The following KIAA0586 variants were observed in gnomAD, a reference collection of about 807,000 sequenced individuals.
KIAA0586 encodes KIAA0586.
KIAA0586 carries 144 observed loss-of-function variants against 169.8 expected under a neutral mutation model. The ratio of observed to expected loss-of-function variants is 0.85; its 90% CI spans 0.74 to 0.97. The LOEUF is 0.97. KIAA0586 is among the 50% of genes least tolerant of loss of function. KIAA0586 has a pLI of 0.00. For synonymous variants in KIAA0586, 625 were observed against 612.4 expected, an observed-to-expected ratio of 1.02 and a Z score of -0.30; for missense variants, 1,854 against 1,823.0, an observed-to-expected ratio of 1.02 and a Z score of -0.31.
In KIAA0586 at chr14:58,486,988, CTTGTTTTATTTA is replaced by C; in HGVS notation, c.3145-16_3145-5del. 1 of 1,572,776 alleles carries C rather than the reference CTTGTTTTATTTA, an allele frequency of 6.4e-7. No homozygotes were observed. Among genetic ancestry groups the C allele is most frequent in the Non-Finnish European group, 8.6e-7 (1 of 1,157,424 alleles). On this transcript the variant is annotated splice_region_variant and splice_polypyrimidine_tract_variant and intron_variant, in intron 21 of 30. Transcript: ENST00000652326. The stretch of plus-strand genomic sequence containing the variant: ...TTGGGTGATTATAAACACAGTTTAT[CTTGTTTTATTTA>C]TTTTAGGCAAGAGTGTGCACCCCAC...
chr14:58,467,037 T>C (rs1365844598), intron 15 of KIAA0586, among the ~76,000 whole-genome samples: 1 of 152,228 alleles, frequency 6.6e-6, no homozygotes, highest in Non-Finnish European at 1.5e-5. Flanking sequence ...TTTGTTTTGA[T>C]TAACAATTTA....
chr14:58,545,979 A>G (rs1276821172), intron 30 of KIAA0586, among the ~76,000 whole-genome samples: 1 of 152,144 alleles, frequency 6.6e-6, no homozygotes, highest in Non-Finnish European at 1.5e-5. Context: ...GGCTGCAGTG[A>G]GCCATGATCA....
At chr14:58,541,637 G>A (rs2046640760) in intron 30 of KIAA0586, among the ~76,000 whole-genome samples, 1 of 152,192 alleles carries the variant, frequency 6.6e-6, no homozygotes, top group African/African-American at 2.4e-5. Flanking sequence ...ATAAATTATA[G>A]TTTTTCTTTT....
rs2036955491 is a variant in KIAA0586, at chr14:58,427,804, A to G, written c.-461A>G. On this transcript the variant is annotated 5_prime_UTR_variant, in exon 1 of 31. Transcript: ENST00000652326. Reference sequence around the variant, plus strand: ...GTGAATTTATGTTTCCGACGATTGCATCTGGAGGGGTGTGTAAGACTCTGT... The same window carrying G: ...GTGAATTTATGTTTCCGACGATTGCGTCTGGAGGGGTGTGTAAGACTCTGT... The G allele has an allele frequency of 6.6e-7, 1 of 1,504,314 alleles. No individual in the cohort carries two copies. Among genetic ancestry groups the G allele is most frequent in the African/African-American group, 1.4e-5 (1 of 72,368 alleles). 93.2% of individuals were successfully genotyped at this position (1,504,314 alleles called of 1,614,324 possible).
chr14:58,528,521 A>G (rs914676106), intron 29 of KIAA0586, among the ~76,000 whole-genome samples: 1 of 152,246 alleles, frequency 6.6e-6, no homozygotes. Flanking sequence ...ACCACAGTGC[A>G]ATCAAACTAG....
Position 58,428,427 on chromosome 14 carries a change from G to A in KIAA0586, c.163G>A (p.Val55Ile), listed in dbSNP as rs757423257. The stretch of plus-strand genomic sequence containing the variant: ...ATTGTCTGCAAATAAACGTCTTCCT[G>A]TTGGAACGGGGACTAGTTTGAATGG... ...PALSANKRLP[V>I]GTGTSLNGTS... The change falls in exon 1 of 31, where the codon GTT (valine) becomes ATT (isoleucine). Residue 55 changes from valine to isoleucine, a missense_variant. By Grantham distance (29) the Val-to-Ile change is conservative. Transcript: ENST00000652326. The A allele has an allele frequency of 6.2e-7, 1 of 1,613,950 alleles. No individual in the cohort carries two copies. Among genetic ancestry groups the A allele is most frequent in the South Asian group, 1.1e-5 (1 of 91,086 alleles).
intron 21 of KIAA0586, 129 bp from the exon 22 acceptor site, chr14:58,486,875 TTCA>T: frequency 1.7e-6 from 1 of 592,374 alleles, no homozygotes; most frequent in Admixed American, 3.7e-5. Context: ...CAGGTAGAGG[TTCA>T]AGAGGTAGGG....
intron 21 of KIAA0586, among the ~76,000 whole-genome samples, chr14:58,485,349 T>C (rs944184592): frequency 6.6e-6 from 1 of 152,044 alleles, no homozygotes; most frequent in Non-Finnish European, 1.5e-5. Flanking sequence ...AAAAAGTTAT[T>C]GAAATTGCAT....
At chr14:58,451,003 T>TTC (rs1555379848) in intron 8 of KIAA0586, among the ~76,000 whole-genome samples, 2 of 149,012 alleles carry the variant, frequency 1.3e-5, no homozygotes, top group African/African-American at 4.9e-5. Flanking sequence ...TTTTTTTTTT[T>TTC]TCTGAGACGG....
intron 29 of KIAA0586, among the ~76,000 whole-genome samples, chr14:58,537,694 C>T (rs767680843): frequency 7.9e-5 from 12 of 152,014 alleles, no homozygotes; most frequent in Non-Finnish European, 1.2e-4. Flanking sequence ...GTCACCCACG[C>T]TGGAGTGCAG....
intron 28 of KIAA0586, among the ~76,000 whole-genome samples, chr14:58,511,346 CTTAT>C (rs1387453237): frequency 3.3e-5 from 5 of 152,144 alleles, no homozygotes. Flanking sequence ...CGTATTTTAA[CTTAT>C]TTAATCATTA....
At chr14:58,454,783 C>A (rs184376211) in intron 9 of KIAA0586, among the ~76,000 whole-genome samples, 9 of 152,314 alleles carry the variant, frequency 5.9e-5, no homozygotes, top group African/African-American at 9.6e-5. Flanking sequence ...CTCCCTCTTG[C>A]TGTCTCTTCA....
intron 4 of KIAA0586, chr14:58,440,049 A>ATTTTTTTT (rs59044231): frequency 1.6e-4 from 27 of 164,226 alleles, no homozygotes; most frequent in South Asian, 5.0e-4. Context: ...TTAATTTTTA[A>ATTTTTTTT]TTTTTTTTTT....
rs749680733 is a variant in KIAA0586, at chr14:58,470,695, C to T, written c.2525C>T (p.Ser842Phe). 8 of 1,599,538 alleles carry T rather than the reference C, an allele frequency of 5.0e-6. No individual in the cohort carries two copies. Among genetic ancestry groups the T allele is most frequent in the Non-Finnish European group, 6.9e-6 (8 of 1,167,036 alleles). ...LSPLSSPKEA[S>F]LPPVQTWIKT... ...CCTCTGTCTAGCCCCAAAGAAGCAT[C>T]TCTTCCTCCTGTGCAAACTTGGATA... Residue 842 changes from serine (S) to phenylalanine (F), a missense_variant, in exon 17 of 31, where the codon TCT (serine) becomes TTT (phenylalanine). Coordinates refer to ENST00000652326, the MANE Select transcript of KIAA0586 (RefSeq NM_001329943.3).
rs1376917879 is a variant in KIAA0586 at position 58,514,522 on chromosome 14, G to A, written c.4429+1895G>A. On this transcript the variant is annotated intron_variant, in intron 29 of 30. Transcript: ENST00000652326. ...AGTTTAATATATGTCTATAAAGAAA[G>A]GAGCAGTAGCAGCTGTTTTAATGAT... Among the ~76,000 whole-genome samples the A allele has an allele frequency of 2.0e-5, 3 of 152,094 alleles. No homozygotes were observed. The East Asian group carries it at 5.8e-4, about 29-fold the overall frequency.
rs111494035 is a variant in KIAA0586, at chr14:58,497,619, TC to T, written c.3991-1161del. ...ACCTTGCGATCTGCCCGCCTTGACC[TC>T]CCAAAGTGCTGGGTGGTGTGAGCCA... On this transcript the variant is annotated intron_variant, in intron 26 of 30. Transcript: ENST00000652326. Among the ~76,000 whole-genome samples the T allele has an allele frequency of 7.6e-3, 1,151 of 151,922 alleles. 11 individuals carry two copies. The highest frequency in any genetic ancestry group is 0.026 in the African/African-American group (1,097 of 41,420).
chr14:58,470,575 A>T, intron 16 of KIAA0586, 38 bp from the exon 17 acceptor site: 1 of 1,248,102 alleles, frequency 8.0e-7, no homozygotes, highest in South Asian at 1.2e-5. Context: ...TTGAGTAAAA[A>T]TGATAAACAG....
At chr14:58,464,646 A>G (rs1189998725) in intron 14 of KIAA0586, among the ~76,000 whole-genome samples, 6 of 152,116 alleles carry the variant, frequency 3.9e-5, no homozygotes, top group Admixed American at 3.9e-4. Context: ...ACATCATAGG[A>G]ACAGAAAAAA....
chr14:58,527,169 G>C (rs2045644649), intron 29 of KIAA0586, among the ~76,000 whole-genome samples: 1 of 152,056 alleles, frequency 6.6e-6, no homozygotes, highest in African/African-American at 2.4e-5. Context: ...AGAATGAAAA[G>C]GAATGAACAG....
Sources: allele counts gnomAD v4.1 joint callset (sites outside exome capture counted in the v4.1 genomes callset), GRCh38; gene constraint gnomAD v4.1.1; transcripts MANE v1.5; gene names NCBI Gene and HGNC (gene_info 2026-07-23, HGNC 2026-07-21).